The following SYTL5 variants were observed in gnomAD, a reference collection of about 807,000 sequenced individuals.
SYTL5 encodes the protein synaptotagmin-like protein 5.
A neutral mutation model predicts 55.9 loss-of-function variants in SYTL5; 34 were observed. The observed-to-expected ratio is 0.61, with a 90% CI of 0.46 to 0.81. The LOEUF is 0.81. SYTL5 is among the 30% of genes least tolerant of loss of function. The pLI, the probability that SYTL5 is intolerant of heterozygous loss-of-function variation, is 0.00. For synonymous variants in SYTL5, 221 were observed against 188.7 expected, an observed-to-expected ratio of 1.17 and a Z score of -1.40; for missense variants, 637 against 546.7, an observed-to-expected ratio of 1.17 and a Z score of -1.65.
intron 10 of SYTL5, among the ~76,000 whole-genome samples, chrX:38,104,006 G>A (rs1426389462): frequency 1.8e-5 from 2 of 112,130 alleles, no homozygotes; most frequent in Admixed American, 9.4e-5. Flanking sequence ...TAGGATATGT[G>A]TGCCTATTGA....
chrX:37,995,347 CAG>C, the SYTL5 span, among the ~76,000 whole-genome samples: 1 of 111,798 alleles, frequency 8.9e-6, no homozygotes, highest in Non-Finnish European at 1.9e-5. Flanking sequence ...CTTCATGGGA[CAG>C]GGGATTTACA....
At chrX:37,912,801 C>T in the SYTL5 span, among the ~76,000 whole-genome samples, 22 of 112,312 alleles carry the variant, frequency 2.0e-4, no homozygotes, top group African/African-American at 7.1e-4. Flanking sequence ...AAAACCTGCT[C>T]TAAATCAAAT....
At chrX:37,938,340 T>G in the SYTL5 span, among the ~76,000 whole-genome samples, 3 of 112,624 alleles carry the variant, frequency 2.7e-5, no homozygotes, top group African/African-American at 6.4e-5. Context: ...TCTCAGATGC[T>G]GCATCTCTCT....
At chrX:37,981,706 C>T in the SYTL5 span, among the ~76,000 whole-genome samples, 139 of 111,741 alleles carry the variant, frequency 1.2e-3, 1 homozygote, top group Non-Finnish European at 1.6e-3. Context: ...AGCAACAGAA[C>T]AATCAGCCAG....
chrX:38,110,341 G>T lies in SYTL5; in HGVS notation c.1455G>T (p.Gln485His). The T allele has an allele frequency of 1.7e-6, 2 of 1,206,166 alleles. No homozygotes were observed. The highest frequency in any genetic ancestry group is 2.2e-6 in the Non-Finnish European group (2 of 892,710). The stretch of plus-strand genomic sequence containing the variant: ...CGCAGTACACTATCAGCCATACCCA[G>T]CTGGAAACAAGAACTCTGCAGCTCT... The part of the protein sequence containing the change: ...ETLKYTISHT[Q>H]LETRTLQLSV... The change falls in exon 13 of 17, where the codon CAG (glutamine) becomes CAT (histidine). Residue 485 changes from glutamine to histidine, a missense_variant. Physicochemically the swap from Gln to His is conservative, Grantham distance 24 (BLOSUM62 0). Coordinates refer to ENST00000297875, the MANE Select transcript of SYTL5 (RefSeq NM_138780.3).
intron 15 of SYTL5, among the ~76,000 whole-genome samples, chrX:38,124,413 G>A (rs1487902458): frequency 8.9e-6 from 1 of 111,737 alleles, no homozygotes; most frequent in Non-Finnish European, 1.9e-5. Context: ...TTATTGTAAA[G>A]TCATTTGCTT....
chrX:38,128,272 C>A lies in SYTL5; in HGVS notation c.*1542C>A, dbSNP rs1264361021. On this transcript the variant is annotated 3_prime_UTR_variant, in exon 17 of 17. Coordinates refer to ENST00000297875, the MANE Select transcript of SYTL5 (RefSeq NM_138780.3). ...CTGGACTTAAATCCAGACTATCAATCTTAGGCCAGTGTTCTTTTTTCAATA... is the reference window on the plus strand; with the variant it reads ...CTGGACTTAAATCCAGACTATCAATATTAGGCCAGTGTTCTTTTTTCAATA... The A allele has an allele frequency of 4.5e-5, 5 of 111,823 alleles. No individual in the cohort carries two copies. The Admixed American group carries it at 4.7e-4, about 11-fold the overall frequency. 9.2% of individuals were successfully genotyped at this position (111,823 alleles called of 1,213,427 possible).
chrX:38,040,322 G>A (rs192530218), intron 2 of SYTL5, among the ~76,000 whole-genome samples: 1 of 111,564 alleles, frequency 9.0e-6, no homozygotes, highest in Admixed American at 9.5e-5. Flanking sequence ...TTTATCCCTT[G>A]AGTTACAAAT....
At chrX:37,948,060 G>A in the SYTL5 span, among the ~76,000 whole-genome samples, 10 of 111,518 alleles carry the variant, frequency 9.0e-5, no homozygotes, top group African/African-American at 2.9e-4. Flanking sequence ...GTTTCAGTAT[G>A]AGAATATTTC....
the SYTL5 span, among the ~76,000 whole-genome samples, chrX:37,910,070 C>T: frequency 9.0e-6 from 1 of 111,713 alleles, no homozygotes; most frequent in Non-Finnish European, 1.9e-5. Flanking sequence ...ATTTTAAAAA[C>T]TCCCTAGATG....
intron 8 of SYTL5, among the ~76,000 whole-genome samples, chrX:38,095,778 T>C (rs993831289): frequency 9.0e-5 from 10 of 110,789 alleles, no homozygotes; most frequent in Non-Finnish European, 1.9e-4. Flanking sequence ...TGTTTTTTTT[T>C]CTAAATTTAA....
At chrX:37,919,344 G>T in the SYTL5 span, among the ~76,000 whole-genome samples, 1 of 111,860 alleles carries the variant, frequency 8.9e-6, no homozygotes, top group Admixed American at 9.5e-5. Flanking sequence ...TAAACAAGGA[G>T]TTTGACCTCA....
the SYTL5 span, chrX:37,939,537 A>T: frequency 8.9e-6 from 1 of 112,040 alleles, no homozygotes; most frequent in Non-Finnish European, 1.9e-5. Context: ...GGGAAATGGA[A>T]AGGCTATCTT....
upstream of SYTL5, among the ~76,000 whole-genome samples, chrX:38,003,810 T>G (rs1933919623): frequency 8.9e-6 from 1 of 112,067 alleles, no homozygotes; most frequent in African/African-American, 3.2e-5. Context: ...ACACCAACAG[T>G]GTACAAGTGT....
At chrX:37,971,351 G>T in the SYTL5 span, among the ~76,000 whole-genome samples, 1 of 111,205 alleles carries the variant, frequency 9.0e-6, no homozygotes, top group Admixed American at 9.6e-5. Flanking sequence ...AGAAGAGAAA[G>T]TCTGGTGTGC....
chrX:37,954,413 G>T, the SYTL5 span, among the ~76,000 whole-genome samples: 388 of 111,734 alleles, frequency 3.5e-3, 3 homozygotes, highest in African/African-American at 0.012. Flanking sequence ...TTGATCTAGG[G>T]TTGGTGCTTT....
At chrX:37,975,804 T>G in the SYTL5 span, among the ~76,000 whole-genome samples, 10 of 112,638 alleles carry the variant, frequency 8.9e-5, no homozygotes, top group African/African-American at 3.2e-4. Flanking sequence ...TTATACATAC[T>G]TAGGATGTGA....
intron 14 of SYTL5, 151 bp from the exon 15 acceptor site, chrX:38,121,929 T>C: frequency 2.0e-6 from 1 of 508,373 alleles, no homozygotes; most frequent in East Asian, 4.2e-5. Flanking sequence ...TTTAAATGAA[T>C]AAAAATATAC....
chrX:37,892,574 G>A, the SYTL5 span, among the ~76,000 whole-genome samples: 15 of 92,481 alleles, frequency 1.6e-4, no homozygotes, highest in Admixed American at 6.6e-4. Flanking sequence ...TTGTATATAC[G>A]TATATATACC....
Sources: allele counts gnomAD v4.1 joint callset (sites outside exome capture counted in the v4.1 genomes callset), GRCh38; gene constraint gnomAD v4.1.1; transcripts MANE v1.5; gene names NCBI Gene and HGNC (gene_info 2026-07-23, HGNC 2026-07-21).